PLCG2: variants seen among roughly 807,000 people sequenced by gnomAD.
PLCG2 encodes 1-phosphatidylinositol 4,5-bisphosphate phosphodiesterase gamma-2.
PLCG2 carries 69 observed loss-of-function variants against 175.6 expected under a neutral mutation model. The ratio of observed to expected loss-of-function variants is 0.39; its 90% confidence interval spans 0.32 to 0.48. The LOEUF is 0.48. Among genes scored for constraint, PLCG2 ranks in the 20% least tolerant of loss-of-function variants. The pLI is 0.91. For synonymous variants in PLCG2, 827 were observed against 624.0 expected, an observed-to-expected ratio of 1.33 and a Z score of -4.85; for missense variants, 1,798 against 1,650.9, an observed-to-expected ratio of 1.09 and a Z score of -1.54.
At chr16:81,835,072 G>A (rs1314454143) in intron 2 of PLCG2, among the ~76,000 whole-genome samples, 1 of 151,912 alleles carries the variant, frequency 6.6e-6, no homozygotes, top group Non-Finnish European at 1.5e-5. Flanking sequence ...GGAGGAAGTG[G>A]CCTTCCAGGT....
At chr16:81,805,973 T>C (rs1912003885) in intron 2 of PLCG2, among the ~76,000 whole-genome samples, 1 of 151,906 alleles carries the variant, frequency 6.6e-6, no homozygotes. Context: ...AGTTGCCACA[T>C]TCATAAAGGT....
At chr16:81,905,544 CG>C (rs1337041000) in intron 15 of PLCG2, 37 bp downstream of exon 15, 5 of 1,376,290 alleles carry the variant, frequency 3.6e-6, no homozygotes, top group Middle Eastern at 1.8e-4. Flanking sequence ...ACTGCGGCCA[CG>C]CCCCTTGCAG....
At chr16:81,758,859 GTA>G (rs1016316826) in intron 2 of PLCG2, among the ~76,000 whole-genome samples, 10 of 152,152 alleles carry the variant, frequency 6.6e-5, no homozygotes, top group African/African-American at 2.2e-4. Context: ...TATATTTTTA[GTA>G]GAGACGGGGT....
exon 1 of PLCG2, chr16:81,739,100 C>A (rs1441270598): frequency 6.6e-6 from 1 of 151,988 alleles, no homozygotes; most frequent in Non-Finnish European, 1.5e-5. Flanking sequence ...GGCCTTCTCC[C>A]TCCAGGGGCC....
chr16:81,832,696 G>T (rs747388405), intron 2 of PLCG2, among the ~76,000 whole-genome samples: 1 of 152,216 alleles, frequency 6.6e-6, no homozygotes, highest in East Asian at 1.9e-4. Flanking sequence ...GAGCCATTGC[G>T]CCCAGGCAGA....
chr16:81,827,246 G>A (rs1905084389), intron 2 of PLCG2, among the ~76,000 whole-genome samples: 1 of 151,758 alleles, frequency 6.6e-6, no homozygotes, highest in African/African-American at 2.4e-5. Context: ...GAGTGCAGTG[G>A]TGCCACTATC....
intron 6 of PLCG2, among the ~76,000 whole-genome samples, chr16:81,869,865 A>G (rs1006096087): frequency 3.3e-5 from 5 of 152,204 alleles, no homozygotes; most frequent in African/African-American, 1.2e-4. Flanking sequence ...AGGTGAGGCA[A>G]GGATGGAGAC....
rs1358318225 is a variant in PLCG2, at chr16:81,962,347, A to T, written c.*4349A>T. 11 of 206,354 alleles carry T rather than the reference A, an allele frequency of 5.3e-5. No homozygotes were observed. The highest frequency in any genetic ancestry group is 9.9e-6 in the Non-Finnish European group (1 of 101,312). 12.8% of individuals were successfully genotyped at this position (206,354 alleles called of 1,614,324 possible). A position where few individuals can be genotyped will look rare whatever the true frequency, so the allele number is the denominator to read the frequency against. Reference sequence around the variant, plus strand: ...TAACCAACAAAAAGTTAATAATTAGATTTGGAATTATACAGAATTAGAAAA... The same window carrying T: ...TAACCAACAAAAAGTTAATAATTAGTTTTGGAATTATACAGAATTAGAAAA... On this transcript the variant is annotated 3_prime_UTR_variant, in exon 33 of 33. Transcript: ENST00000564138.
chr16:81,832,799 G>A (rs1246039466), intron 2 of PLCG2, among the ~76,000 whole-genome samples: 1 of 152,230 alleles, frequency 6.6e-6, no homozygotes, highest in Non-Finnish European at 1.5e-5. Context: ...AGAGAATGAG[G>A]CAGAGGCCTG....
chr16:81,786,403 C>G (rs1234959615), intron 2 of PLCG2, among the ~76,000 whole-genome samples: 3 of 152,196 alleles, frequency 2.0e-5, no homozygotes, highest in African/African-American at 4.8e-5. Context: ...AGAACTGAAG[C>G]TGAGGTCAGC....
chr16:81,934,633 C>A lies in PLCG2; in HGVS notation c.2842+102C>A. The A allele has an allele frequency of 4.0e-6, 3 of 747,392 alleles. No homozygotes were observed. In the South Asian group the frequency reaches 4.8e-5, roughly 12 times the overall value. 46.3% of individuals were successfully genotyped at this position (747,392 alleles called of 1,614,324 possible). On this transcript the variant is annotated intron_variant, in intron 26 of 32. Coordinates refer to ENST00000564138, the MANE Select transcript of PLCG2 (RefSeq NM_002661.5). ...GGGGCAGAGAGTGCATTCTCTCATT[C>A]TTAACTACTCCCAGTAGATGGCCCC... is the stretch of plus-strand genomic sequence containing the variant.
chr16:81,891,677 C>G, intron 11 of PLCG2, 87 bp downstream of exon 11: 1 of 777,978 alleles, frequency 1.3e-6, no homozygotes, highest in South Asian at 1.4e-5. Flanking sequence ...CTCCGGTGAG[C>G]CCTGTTGTGA....
At position 81,892,198 on chromosome 16, in the gene PLCG2, C is replaced by T. The variant is rs556746951; in HGVS notation, c.986+608C>T. 3.9e-5 allele frequency among the ~76,000 whole-genome samples: 6 copies of T among 152,252 alleles called. No individual in the cohort carries two copies. The South Asian group carries it at 8.3e-4, about 21-fold the overall frequency. On this transcript the variant is annotated intron_variant, in intron 11 of 32. Transcript: ENST00000564138. ...GGCTGGAGTGCAGAATCCAGGAGAG[C>T]GGTGTCAGGAGGGGAGGAAGGCAGG...
intron 2 of PLCG2, among the ~76,000 whole-genome samples, chr16:81,790,954 G>C (rs1911203932): frequency 6.6e-6 from 1 of 152,148 alleles, no homozygotes; most frequent in East Asian, 1.9e-4. Context: ...CAGTGGTGCA[G>C]GGGTTGAGAA....
At chr16:81,751,602 C>G (rs1237216273) in intron 1 of PLCG2, among the ~76,000 whole-genome samples, 4 of 152,040 alleles carry the variant, frequency 2.6e-5, no homozygotes, top group African/African-American at 9.7e-5. Context: ...TTCAAAATTG[C>G]TAAGAGAGTA....
chr16:81,881,926 ACAGGCATG>A (rs1351741134), intron 8 of PLCG2, among the ~76,000 whole-genome samples: 2 of 152,086 alleles, frequency 1.3e-5, no homozygotes, highest in Admixed American at 1.3e-4. Context: ...TGCTGGGATT[ACAGGCATG>A]TGCCACTGTG....
intron 3 of PLCG2, among the ~76,000 whole-genome samples, chr16:81,856,818 C>G (rs1300675015): frequency 1.3e-5 from 2 of 152,170 alleles, no homozygotes; most frequent in Admixed American, 1.3e-4. Context: ...TGGGAAATAT[C>G]CTGGACTATC....
At chr16:81,806,869 C>T (rs1171128663) in intron 2 of PLCG2, among the ~76,000 whole-genome samples, 1 of 151,670 alleles carries the variant, frequency 6.6e-6, no homozygotes, top group African/African-American at 2.4e-5. Flanking sequence ...GCCAGCCAAG[C>T]AGGGTGATGG....
chr16:81,874,970 T>A (rs1228359283), intron 7 of PLCG2, among the ~76,000 whole-genome samples: 1 of 145,124 alleles, frequency 6.9e-6, no homozygotes, highest in Admixed American at 6.8e-5. Flanking sequence ...TTTTTTTTTT[T>A]TTTTTTTATT....
Sources: gnomAD v4.1 joint callset for allele counts (sites outside exome capture counted in the v4.1 genomes callset) on GRCh38, gnomAD v4.1.1 for gene constraint, MANE v1.5 for transcripts, NCBI Gene and HGNC (gene_info 2026-07-23, HGNC 2026-07-21) for gene names.